Variants in CPQ observed in about 807,000 individuals in gnomAD.
CPQ encodes the protein Ser-Met dipeptidase.
Under a neutral mutation model 45.7 loss-of-function variants are expected in CPQ, and 37 were observed. The ratio of observed to expected loss-of-function variants is 0.81; its 90% CI spans 0.62 to 1.07. The LOEUF (loss-of-function observed/expected upper bound fraction) is 1.07, where lower values mean the gene tolerates loss of function less well. Among genes scored for constraint, CPQ ranks in the 50% least tolerant of loss-of-function variants. CPQ has a pLI of 0.00. For synonymous variants in CPQ, 186 were observed against 205.8 expected (o/e 0.90, Z 0.82); for missense variants, 537 against 572.9 (o/e 0.94, Z 0.64).
At chr8:96,910,894 G>C (rs138162176) in intron 4 of CPQ, among the ~76,000 whole-genome samples, 14 of 152,154 alleles carry the variant, frequency 9.2e-5, no homozygotes, top group African/African-American at 3.4e-4. Flanking sequence ...AGAAGGCTGA[G>C]TCAGGACTTG....
intron 1 of CPQ, among the ~76,000 whole-genome samples, chr8:96,677,579 C>T (rs1397731473): frequency 6.6e-6 from 1 of 151,964 alleles, no homozygotes; most frequent in African/African-American, 2.4e-5. Flanking sequence ...AGTCCTTTGT[C>T]AGATGCATAG....
At chr8:96,862,034 G>A (rs1025401787) in intron 3 of CPQ, among the ~76,000 whole-genome samples, 7 of 152,058 alleles carry the variant, frequency 4.6e-5, no homozygotes, top group Non-Finnish European at 8.8e-5. Flanking sequence ...AAAGGATACA[G>A]GTGTCATAGG....
At chr8:96,962,814 A>C (rs1047651506) in intron 4 of CPQ, among the ~76,000 whole-genome samples, 1 of 152,210 alleles carries the variant, frequency 6.6e-6, no homozygotes, top group African/African-American at 2.4e-5. Context: ...TTGCTACTGA[A>C]TTAGAAGTAT....
At chr8:97,016,047 TA>T (rs1468623025) in intron 5 of CPQ, among the ~76,000 whole-genome samples, 6 of 152,226 alleles carry the variant, frequency 3.9e-5, no homozygotes, top group Admixed American at 3.3e-4. Flanking sequence ...GATATGTTGC[TA>T]TATATTGTAT....
chr8:96,763,150 AC>A (rs1810424814), intron 1 of CPQ, among the ~76,000 whole-genome samples: 1 of 152,088 alleles, frequency 6.6e-6, no homozygotes, highest in African/African-American at 2.4e-5. Context: ...GTTAGGACCT[AC>A]CCAAATGAAC....
chr8:97,094,745 T>C (rs1176523355), intron 7 of CPQ, among the ~76,000 whole-genome samples: 1 of 151,326 alleles, frequency 6.6e-6, no homozygotes, highest in Non-Finnish European at 1.5e-5. Flanking sequence ...ATTTCAAGTA[T>C]TCGCCATTAA....
intron 7 of CPQ, among the ~76,000 whole-genome samples, chr8:97,087,747 G>T (rs1487127835): frequency 2.0e-5 from 3 of 152,072 alleles, no homozygotes; most frequent in Admixed American, 2.0e-4. Context: ...TATGAATGTT[G>T]AAAGATTAAT....
At chr8:96,956,908 G>T (rs1285725237) in intron 4 of CPQ, among the ~76,000 whole-genome samples, 2 of 152,212 alleles carry the variant, frequency 1.3e-5, no homozygotes, top group Non-Finnish European at 2.9e-5. Context: ...AAAGCTAGAG[G>T]TACTGTGCTT....
intron 1 of CPQ, among the ~76,000 whole-genome samples, chr8:96,671,013 T>C (rs565058414): frequency 2.6e-5 from 4 of 152,252 alleles, no homozygotes; most frequent in African/African-American, 9.6e-5. Flanking sequence ...TACTGTAGTT[T>C]TGTAGGATGC....
intron 4 of CPQ, among the ~76,000 whole-genome samples, chr8:96,896,089 C>G (rs1378939650): frequency 6.6e-6 from 1 of 152,038 alleles, no homozygotes; most frequent in Non-Finnish European, 1.5e-5. Context: ...GGAATCAAAG[C>G]AAATGAGGGC....
intron 7 of CPQ, among the ~76,000 whole-genome samples, chr8:97,102,948 T>C (rs979106945): frequency 2.0e-5 from 3 of 152,196 alleles, no homozygotes; most frequent in Non-Finnish European, 4.4e-5. Context: ...GATGGTTCTT[T>C]ACAGAGTGTC....
chr8:97,134,757 C>CACTT (rs1052972975), intron 7 of CPQ, among the ~76,000 whole-genome samples: 10 of 152,200 alleles, frequency 6.6e-5, no homozygotes, highest in Admixed American at 1.3e-4. Flanking sequence ...CTATTTCTAC[C>CACTT]ACTTACTACT....
At chr8:96,852,852 A>C (rs1811789731) in intron 3 of CPQ, among the ~76,000 whole-genome samples, 1 of 152,170 alleles carries the variant, frequency 6.6e-6, no homozygotes, top group African/African-American at 2.4e-5. Flanking sequence ...CCAGATGGAA[A>C]CTTGAAATGC....
chr8:97,121,611 ATCAT>A (rs1418340024), intron 7 of CPQ, among the ~76,000 whole-genome samples: 2 of 152,202 alleles, frequency 1.3e-5, no homozygotes, highest in African/African-American at 2.4e-5. Context: ...TATTATATCT[ATCAT>A]TCAATCAAAA....
intron 4 of CPQ, among the ~76,000 whole-genome samples, chr8:96,922,095 A>C (rs2130911737): frequency 6.6e-6 from 1 of 151,276 alleles, no homozygotes; most frequent in East Asian, 1.9e-4. Context: ...TTTTAAAATT[A>C]GATTAAATTA....
intron 2 of CPQ, among the ~76,000 whole-genome samples, chr8:96,786,802 C>T (rs1314067820): frequency 1.3e-5 from 2 of 152,058 alleles, no homozygotes; most frequent in Non-Finnish European, 2.9e-5. Flanking sequence ...CATGTTCTTA[C>T]TCGCCATTTG....
At chr8:96,992,214 A>G (rs979548007) in intron 5 of CPQ, among the ~76,000 whole-genome samples, 1 of 152,186 alleles carries the variant, frequency 6.6e-6, no homozygotes, top group Non-Finnish European at 1.5e-5. Flanking sequence ...GATAATTCCA[A>G]TGGTACTGTA....
At chr8:97,107,097 T>A (rs910545684) in intron 7 of CPQ, among the ~76,000 whole-genome samples, 1 of 152,174 alleles carries the variant, frequency 6.6e-6, no homozygotes, top group African/African-American at 2.4e-5. Flanking sequence ...CTACAAAGGA[T>A]CTTTTTTTCA....
rs759350624 is a variant in CPQ at position 96,862,406 on chromosome 8, AATT to A, written c.642-17386_642-17384del. Among the ~76,000 whole-genome samples the A allele has an allele frequency of 5.9e-5, 9 of 151,872 alleles. No individual in the cohort carries two copies. In the East Asian group the frequency reaches 1.6e-3, roughly 26 times the overall value. ...CTTCTGGTGCTCAATAAATGGTAGT[AATT>A]ATTATGGCAAGTAGTTAGGCTATCT... is the stretch of plus-strand genomic sequence containing the variant. On this transcript the variant is annotated intron_variant, in intron 3 of 7. Transcript: ENST00000220763.
Sources: gnomAD v4.1 joint callset for allele counts (sites outside exome capture counted in the v4.1 genomes callset) on GRCh38, gnomAD v4.1.1 for gene constraint, MANE v1.5 for transcripts, NCBI Gene and HGNC (gene_info 2026-07-23, HGNC 2026-07-21) for gene names.